The following EZR variants were observed in gnomAD, a reference collection of about 807,000 sequenced individuals.
The protein encoded by EZR is cytovillin 2.
In EZR, 40 loss-of-function variants were observed where a neutral mutation model predicts 74.8. The observed-to-expected ratio is 0.53, with a 90% CI of 0.42 to 0.70. The LOEUF (loss-of-function observed/expected upper bound fraction) is 0.70, where lower values mean the gene tolerates loss of function less well. Among genes scored for constraint, EZR ranks in the 30% least tolerant of loss-of-function variants. The pLI is 0.00. For missense variants in EZR, 678 were observed against 755.8 expected, an observed-to-expected ratio of 0.90 and a Z score of 1.21; for synonymous variants, 341 against 283.3, an observed-to-expected ratio of 1.20 and a Z score of -2.05.
intron 2 of EZR, among the ~76,000 whole-genome samples, chr6:158,815,681 C>A (rs769500334): frequency 6.6e-6 from 1 of 152,180 alleles, no homozygotes; most frequent in Non-Finnish European, 1.5e-5. Context: ...AGGCAAGTCT[C>A]GAACTCCTGG....
chr6:158,776,823 C>G lies in EZR; in HGVS notation c.699-319G>C, dbSNP rs539727746. 2.7e-3 allele frequency among the ~76,000 whole-genome samples: 411 copies of G among 152,288 alleles called. 2 individuals carry two copies. Among genetic ancestry groups the G allele is most frequent in the Non-Finnish European group, 4.6e-3 (313 of 68,018 alleles). ...CTACCCAGGTACCTTGACCCTCCCCCTCAGGTATCTTCTGCTGTTCATTCC... is the reference window on the plus strand; with the variant it reads ...CTACCCAGGTACCTTGACCCTCCCCGTCAGGTATCTTCTGCTGTTCATTCC... On this transcript the variant is annotated intron_variant, in intron 7 of 13. Transcript: ENST00000367075.
intron 8 of EZR, among the ~76,000 whole-genome samples, chr6:158,772,936 G>A (rs1791162695): frequency 6.6e-6 from 1 of 152,170 alleles, no homozygotes; most frequent in Non-Finnish European, 1.5e-5. Context: ...AGGGTGAGAG[G>A]TGATGCCAAG....
chr6:158,787,124 A>T lies in EZR; in HGVS notation c.176T>A (p.Leu59Gln), dbSNP rs1372500947. 1 of 1,613,404 alleles carries T rather than the reference A, an allele frequency of 6.2e-7. No homozygotes were observed. Among genetic ancestry groups the T allele is most frequent in the Non-Finnish European group, 8.5e-7 (1 of 1,179,364 alleles). ...YVDNKGFPTW[L>Q]KLDKKVSAQE... ...CTGACTTGCCTTCTTATCCAGCTTC[A>T]GCCAGGTAGGAAATCCTTTATTATC... is the stretch of plus-strand genomic sequence containing the variant. The change falls in exon 4 of 14, where the codon CTG becomes CAG. Residue 59 changes from leucine to glutamine, a missense_variant. Leu to Gln is a moderately radical substitution (Grantham distance 113, BLOSUM62 -2). Around this residue, in one of 3 missense-constraint regions of EZR, gnomAD observed 217 missense variants for 232.2 expected, o/e 0.93. Coordinates refer to ENST00000367075, the MANE Select transcript of EZR (RefSeq NM_001111077.2).
At chr6:158,767,637 G>A (rs1316867137) in intron 12 of EZR, 125 bp from the exon 13 acceptor site, 1 of 1,028,560 alleles carries the variant, frequency 9.7e-7, no homozygotes, top group Non-Finnish European at 1.4e-6. Flanking sequence ...GCTGGGCTGT[G>A]GCTTCGAAGA....
chr6:158,769,347 T>C lies in EZR; in HGVS notation c.1323A>G (p.Glu441=), dbSNP rs1227960667. ...TCACCCTGTGCTGCCACTCTTCAAC[T>C]TCATCCTCCTTGCGCCTCCGCGCCT... ...LEEARRRKED[E]VEEWQHRAKE... The change falls in exon 12 of 14, where the codon GAA becomes GAG. Residue 441 remains glutamate, a synonymous_variant. Transcript: ENST00000367075. 6.2e-7 allele frequency: 1 copy of C among 1,609,892 alleles called. No homozygotes were observed. Among genetic ancestry groups the C allele is most frequent in the Non-Finnish European group, 8.5e-7 (1 of 1,180,018 alleles).
At chr6:158,806,263 G>A (rs532727293) in intron 2 of EZR, among the ~76,000 whole-genome samples, 7 of 152,238 alleles carry the variant, frequency 4.6e-5, no homozygotes, top group East Asian at 1.9e-4. Context: ...ACCTGCCCTC[G>A]CCCTGAGATC....
chr6:158,798,191 C>G (rs1261527843), intron 2 of EZR, among the ~76,000 whole-genome samples: 1 of 132,598 alleles, frequency 7.5e-6, no homozygotes, highest in Non-Finnish European at 1.7e-5. Flanking sequence ...AGGAATATTC[C>G]ATTGTGTGGC....
intron 2 of EZR, among the ~76,000 whole-genome samples, chr6:158,789,935 T>C (rs572392468): frequency 6.6e-6 from 1 of 152,216 alleles, no homozygotes; most frequent in Non-Finnish European, 1.5e-5. Flanking sequence ...AGTTTTTTTC[T>C]TTTTTGTTAA....
At chr6:158,781,976 G>T (rs969316809) in intron 7 of EZR, among the ~76,000 whole-genome samples, 4 of 152,046 alleles carry the variant, frequency 2.6e-5, no homozygotes, top group Non-Finnish European at 5.9e-5. Flanking sequence ...CCCAGGCTGG[G>T]CAAGACTCCT....
intron 10 of EZR, among the ~76,000 whole-genome samples, chr6:158,770,197 C>A (rs1387090178): frequency 6.6e-6 from 1 of 152,240 alleles, no homozygotes; most frequent in Non-Finnish European, 1.5e-5. Flanking sequence ...TGACTCAACC[C>A]TCTTGGCGCT....
rs543365894 is a variant in EZR, at chr6:158,769,517, G to A, written c.1252-99C>T. ...TGTGTGTTGGCAAGCAGTCTCCAAC[G>A]TGACACCTGAGTCCCCGCCACCCCC... On this transcript the variant is annotated intron_variant, in intron 11 of 13. Coordinates refer to ENST00000367075, the MANE Select transcript of EZR (RefSeq NM_001111077.2). The A allele has an allele frequency of 1.2e-4, 150 of 1,251,044 alleles. No individual in the cohort carries two copies. In the African/African-American group the frequency reaches 1.7e-3, roughly 14 times the overall value. The allele number at this position is 1,251,044 out of a possible 1,614,324, so 77.5% of individuals were successfully genotyped here.
At position 158,818,119 on chromosome 6, in the gene EZR, A is replaced by G. The variant is rs766748939; in HGVS notation, c.-26T>C. ...TTTCGGTTTCTGGTGAGTATCCTCG[A>G]TCCCCGAAAACACGACTATCCAGCA... On this transcript the variant is annotated 5_prime_UTR_variant, in exon 2 of 14. Transcript: ENST00000367075. The G allele has an allele frequency of 6.2e-6, 10 of 1,606,802 alleles. No individual in the cohort carries two copies. The highest frequency in any genetic ancestry group is 1.7e-5 in the Admixed American group (1 of 59,794).
intron 12 of EZR, among the ~76,000 whole-genome samples, chr6:158,768,421 C>T (rs533108719): frequency 2.6e-5 from 4 of 152,154 alleles, no homozygotes; most frequent in African/African-American, 7.2e-5. Flanking sequence ...AGATCGGCAG[C>T]GGGAATGGGG....
chr6:158,798,625 T>G (rs78666381), intron 2 of EZR, among the ~76,000 whole-genome samples: 2,892 of 43,152 alleles, frequency 0.067, 78 homozygotes, highest in Non-Finnish European at 0.11. Context: ...TGCTCCGCTT[T>G]TTTTTTTTTT....
At chr6:158,779,740 C>T (rs1791378150) in intron 7 of EZR, among the ~76,000 whole-genome samples, 1 of 152,014 alleles carries the variant, frequency 6.6e-6, no homozygotes, top group Non-Finnish European at 1.5e-5. Context: ...ATTTTTTGTA[C>T]TTTTGGTGGA....
Position 158,771,235 on chromosome 6 carries a change from C to T in EZR, c.959+9G>A, listed in dbSNP as rs562542355. The T allele has an allele frequency of 6.8e-6, 11 of 1,605,968 alleles. No homozygotes were observed. The highest frequency in any genetic ancestry group is 2.7e-5 in the African/African-American group (2 of 74,884). ...ACAGGCCCCCCCCACTCTGGCCTCA[C>T]GCGCTCACCGCTCCAGCTGCTTCTG... On this transcript the variant is annotated intron_variant, in intron 9 of 13. Coordinates refer to ENST00000367075, the MANE Select transcript of EZR (RefSeq NM_001111077.2).
At chr6:158,774,792 A>G (rs1208109327) in intron 8 of EZR, among the ~76,000 whole-genome samples, 1 of 151,904 alleles carries the variant, frequency 6.6e-6, no homozygotes, top group Non-Finnish European at 1.5e-5. Flanking sequence ...AAAAGGCAGT[A>G]GCGTCACAGA....
At chr6:158,809,389 C>T (rs1003171169) in intron 2 of EZR, among the ~76,000 whole-genome samples, 26 of 152,330 alleles carry the variant, frequency 1.7e-4, no homozygotes, top group Middle Eastern at 3.4e-3. Context: ...CTCTTTCCAA[C>T]TCAAACATCA....
chr6:158,792,403 G>A (rs1437529977), intron 2 of EZR, among the ~76,000 whole-genome samples: 1 of 152,118 alleles, frequency 6.6e-6, no homozygotes, highest in African/African-American at 2.4e-5. Context: ...GTAGAGACAG[G>A]GTTTCACCAT....
Sources: allele counts gnomAD v4.1 joint callset (sites outside exome capture counted in the v4.1 genomes callset), GRCh38; gene constraint gnomAD v4.1.1; regional missense constraint gnomAD v4.1.1; transcripts MANE v1.5; gene names NCBI Gene and HGNC (gene_info 2026-07-23, HGNC 2026-07-21).